RGS14: variants seen among roughly 807,000 people sequenced by gnomAD.
The protein encoded by RGS14 is regulator of G protein signaling 14.
A neutral mutation model predicts 63.8 loss-of-function variants in RGS14; 33 were observed. That is an observed-to-expected ratio of 0.52 (90% confidence interval 0.39 to 0.69). The LOEUF (loss-of-function observed/expected upper bound fraction) is 0.69. Among genes scored for constraint, RGS14 ranks in the 30% least tolerant of loss-of-function variants. The pLI, the probability that RGS14 is intolerant of heterozygous loss-of-function variation, is 0.00. For synonymous variants in RGS14, 296 were observed against 320.9 expected, an observed-to-expected ratio of 0.92 and a Z score of 0.83; for missense variants, 739 against 742.9, an observed-to-expected ratio of 0.99 and a Z score of 0.06.
Position 177,358,171 on chromosome 5 carries a change from T to C in RGS14, c.45+102T>C, listed in dbSNP as rs936440396. ...CAGGGCCAGGCAAGAGCCCACGGGCTGCCAGCAGGCGAGAGAAGTTGGGTA... is the reference window on the plus strand; with the variant it reads ...CAGGGCCAGGCAAGAGCCCACGGGCCGCCAGCAGGCGAGAGAAGTTGGGTA... On this transcript the variant is annotated intron_variant, in intron 1 of 14. Coordinates refer to ENST00000408923, the MANE Select transcript of RGS14 (RefSeq NM_006480.5). This position sits in a 1 kb window ranked among gnomAD's most constrained non-coding sequence, Gnocchi z 4.8. The C allele has an allele frequency of 4.0e-6, 4 of 1,012,326 alleles. No individual in the cohort carries two copies. The African/African-American group carries it at 6.7e-5, about 17-fold the overall frequency. 62.7% of individuals were successfully genotyped at this position (1,012,326 alleles called of 1,614,324 possible).
chr5:177,365,897 G>A, intron 1 of RGS14, 66 bp from the exon 2 acceptor site: 1 of 1,536,752 alleles, frequency 6.5e-7, no homozygotes, highest in Non-Finnish European at 9.0e-7. Context: ...TGGGAGTCGG[G>A]CCCAGAACTG....
rs1253065970 is a variant in RGS14, at chr5:177,371,110, C to A, written c.1255-55C>A. ...CCGGGGCCGGGGCCGGGGCCGGGGC[C>A]GGGGCCGGGGCCGGGCGGAGGCCTG... On this transcript the variant is annotated intron_variant, in intron 11 of 14. Transcript: ENST00000408923. The surrounding 1 kb of genome is among the most constrained non-coding windows in gnomAD (Gnocchi z 6.1). 1.7e-6 allele frequency: 2 copies of A among 1,192,534 alleles called. No homozygotes were observed. The highest frequency in any genetic ancestry group is 1.6e-5 in the South Asian group (1 of 63,902). 73.9% of individuals were successfully genotyped at this position (1,192,534 alleles called of 1,614,324 possible).
In RGS14 at chr5:177,371,023, C is replaced by T. The variant is rs765349778; in HGVS notation, c.1246C>T (p.Leu416=). The change falls in exon 11 of 15, where the codon CTG becomes TTG. Residue 416 remains leucine, a synonymous_variant. Coordinates refer to ENST00000408923, the MANE Select transcript of RGS14 (RefSeq NM_006480.5). This position sits in a 1 kb window ranked among gnomAD's most constrained non-coding sequence, Gnocchi z 6.1. ...KHGLSPLEVV[L]HRPGEKQPLD... is the part of the protein sequence containing the mutation. Reference sequence around the variant, plus strand: ...CGGCTTGAGCCCGCTAGAGGTGGTGCTGCACCGGGTGAGCTTCCGGGCCGC... The same window carrying T: ...CGGCTTGAGCCCGCTAGAGGTGGTGTTGCACCGGGTGAGCTTCCGGGCCGC... The T allele has an allele frequency of 1.9e-6, 3 of 1,559,758 alleles. No homozygotes were observed. The South Asian group carries it at 3.4e-5, about 18-fold the overall frequency.
In RGS14 at chr5:177,358,573, G is replaced by C. The variant is rs1323834351; in HGVS notation, c.45+504G>C. 1.3e-5 allele frequency among the ~76,000 whole-genome samples: 2 copies of C among 152,322 alleles called. No homozygotes were observed. Among genetic ancestry groups the C allele is most frequent in the East Asian group, 3.9e-4 (2 of 5,190 alleles). ...GAACTAGCATTGTTTGGGCAGCCCG[G>C]GATGGGGCAGCAGGGTCAGACTAGG... On this transcript the variant is annotated intron_variant, in intron 1 of 14. Coordinates refer to ENST00000408923, the MANE Select transcript of RGS14 (RefSeq NM_006480.5). The surrounding 1 kb of genome is among the most constrained non-coding windows in gnomAD (Gnocchi z 4.8).
At chr5:177,368,297 T>G (rs1234602923) in intron 8 of RGS14, 31 bp downstream of exon 8, 2 of 1,592,770 alleles carry the variant, frequency 1.3e-6, no homozygotes, top group South Asian at 2.3e-5. Flanking sequence ...GACAAGATGC[T>G]CTATGGGCTA....
chr5:177,361,623 T>TG (rs2127326228), intron 1 of RGS14, among the ~76,000 whole-genome samples: 1 of 152,110 alleles, frequency 6.6e-6, no homozygotes, highest in African/African-American at 2.4e-5. Flanking sequence ...ATCTGTAAAA[T>TG]GGGGGTAATA....
rs1477360491 is a variant in RGS14, at chr5:177,366,713, C to T, written c.252C>T (p.Phe84=). 1 of 1,614,110 alleles carries T rather than the reference C, an allele frequency of 6.2e-7. No homozygotes were observed. Among genetic ancestry groups the T allele is most frequent in the East Asian group, 2.2e-5 (1 of 44,882 alleles). The change falls in exon 4 of 15, where the codon TTC becomes TTT. Residue 84 remains phenylalanine, a synonymous_variant. Coordinates refer to ENST00000408923, the MANE Select transcript of RGS14 (RefSeq NM_006480.5). ...DPLGLAYFTE[F]LKKEFSAENV... ...CCCCCTCCTTCCCCTCCCAGGAGTTCCTGAAGAAGGAGTTCAGCGCGGAAA... is the reference window on the plus strand; with the variant it reads ...CCCCCTCCTTCCCCTCCCAGGAGTTTCTGAAGAAGGAGTTCAGCGCGGAAA...
intron 6 of RGS14, 54 bp from the exon 7 acceptor site, chr5:177,367,660 T>C: frequency 6.3e-7 from 1 of 1,593,200 alleles, no homozygotes; most frequent in Non-Finnish European, 8.5e-7. Context: ...GTGCCCACGG[T>C]CTGCATGCGG....
Position 177,370,973 on chromosome 5 carries a change from C to G in RGS14, c.1196C>G (p.Ala399Gly). The G allele has an allele frequency of 6.2e-7, 1 of 1,607,198 alleles. No homozygotes were observed. Among genetic ancestry groups the G allele is most frequent in the Non-Finnish European group, 8.5e-7 (1 of 1,179,454 alleles). ...SAKPTKRLQEALQPILEKHGL... is the reference protein window; with the variant it reads ...SAKPTKRLQEGLQPILEKHGL... ...AAGCCCACCAAGCGGCTGCAGGAGG[C>G]GCTGCAGCCCATTCTGGAGAAGCAC... The change falls in exon 11 of 15, where the codon GCG (alanine) becomes GGG (glycine). Residue 399 changes from alanine to glycine, a missense_variant. Ala to Gly is a moderately conservative substitution (Grantham distance 60, BLOSUM62 0). Coordinates refer to ENST00000408923, the MANE Select transcript of RGS14 (RefSeq NM_006480.5).
Position 177,371,573 on chromosome 5 carries a change from G to A in RGS14, c.1482G>A (p.Gln494=). The A allele has an allele frequency of 6.2e-7, 1 of 1,613,898 alleles. No individual in the cohort carries two copies. The highest frequency in any genetic ancestry group is 8.5e-7 in the Non-Finnish European group (1 of 1,179,754). Residue 494 remains glutamine, a synonymous_variant, in exon 14 of 15, where the codon CAG becomes CAA. Transcript: ENST00000408923. This position sits in a 1 kb window ranked among gnomAD's most constrained non-coding sequence, Gnocchi z 6.1. ...KVPSSATGKR[Q]TCDIEGLVEL... is the part of the protein sequence containing the mutation. Reference sequence around the variant, plus strand: ...CCAGTAGTGCCACTGGAAAGCGGCAGACCTGTGACATCGAAGGTACATGGT... The same window carrying A: ...CCAGTAGTGCCACTGGAAAGCGGCAAACCTGTGACATCGAAGGTACATGGT...
rs745460919 is a variant in RGS14, at chr5:177,372,000, G to A, written c.1626G>A (p.Glu542=). The change falls in exon 15 of 15, where the codon GAG becomes GAA. Residue 542 remains glutamate, a synonymous_variant. Transcript: ENST00000408923. The surrounding 1 kb of genome is among the most constrained non-coding windows in gnomAD (Gnocchi z 6.1). ...CCGCCCAAGGGCCCAGCTCCGAGGA[G>A]ACCCCACCACAGACCAAATCAGCAG... ...QLPAQGPSSE[E]TPPQTKSAAQ... 2 of 1,614,026 alleles carry A rather than the reference G, an allele frequency of 1.2e-6. No individual in the cohort carries two copies. Among genetic ancestry groups the A allele is most frequent in the African/African-American group, 2.7e-5 (2 of 74,928 alleles).
chr5:177,368,590 G>A (rs1762164927), intron 8 of RGS14, 127 bp from the exon 9 acceptor site: 5 of 924,170 alleles, frequency 5.4e-6, no homozygotes, highest in African/African-American at 1.6e-5. Flanking sequence ...GCAGGAGGAC[G>A]TATCTTTGCC....
At chr5:177,362,786 G>C (rs1226409183) in intron 1 of RGS14, among the ~76,000 whole-genome samples, 1 of 152,090 alleles carries the variant, frequency 6.6e-6, no homozygotes, top group East Asian at 1.9e-4. Context: ...AAGGGCCCGG[G>C]TTGGCACCGT....
Position 177,358,137 on chromosome 5 carries a change from C to A in RGS14, c.45+68C>A. 1 of 1,231,094 alleles carries A rather than the reference C, an allele frequency of 8.1e-7. No individual in the cohort carries two copies. The highest frequency in any genetic ancestry group is 1.0e-6 in the Non-Finnish European group (1 of 963,694). 76.3% of individuals were successfully genotyped at this position (1,231,094 alleles called of 1,614,324 possible). ...CACACCCAGGGTGGAGCCCAGGAGGCACACCCGGCAGGGCCAGGCAAGAGC... is the reference window on the plus strand; with the variant it reads ...CACACCCAGGGTGGAGCCCAGGAGGAACACCCGGCAGGGCCAGGCAAGAGC... On this transcript the variant is annotated intron_variant, in intron 1 of 14. Coordinates refer to ENST00000408923, the MANE Select transcript of RGS14 (RefSeq NM_006480.5). The surrounding 1 kb of genome is among the most constrained non-coding windows in gnomAD (Gnocchi z 4.8).
At chr5:177,360,195 G>A (rs1288904195) in intron 1 of RGS14, among the ~76,000 whole-genome samples, 1 of 151,988 alleles carries the variant, frequency 6.6e-6, no homozygotes, top group African/African-American at 2.4e-5. Flanking sequence ...TGCCTGCTTG[G>A]TGCTGCCACT....
chr5:177,362,939 G>A (rs1276853093), intron 1 of RGS14, among the ~76,000 whole-genome samples: 1 of 152,182 alleles, frequency 6.6e-6, no homozygotes, highest in East Asian at 1.9e-4. Context: ...TATCACCCCT[G>A]ACTCGGGGTT....
chr5:177,368,846 A>C lies in RGS14; in HGVS notation c.979A>C (p.Met327Leu), dbSNP rs746132172. The change falls in exon 9 of 15, where the codon ATG becomes CTG. Residue 327 changes from methionine to leucine, a missense_variant. Coordinates refer to ENST00000408923, the MANE Select transcript of RGS14 (RefSeq NM_006480.5). Reference protein sequence around the residue: ...LARPGLTIRDMLAGICEKRGL... With the variant: ...LARPGLTIRDLLAGICEKRGL... ...CAGACCTGGCCTCACCATCCGAGAC[A>C]TGCTGGCAGGGATCTGTGAGAAACG... 6.2e-7 allele frequency: 1 copy of C among 1,614,242 alleles called. No individual in the cohort carries two copies. Among genetic ancestry groups the C allele is most frequent in the Admixed American group, 1.7e-5 (1 of 60,030 alleles).
rs766162868 is a variant in RGS14, at chr5:177,367,017, C to G, written c.466C>G (p.Arg156Gly). Residue 156 changes from arginine to glycine, a missense_variant, in exon 5 of 15, where the codon CGG becomes GGG. By Grantham distance (125) the Arg-to-Gly change is moderately radical. Coordinates refer to ENST00000408923, the MANE Select transcript of RGS14 (RefSeq NM_006480.5). Reference sequence around the variant, plus strand: ...GGCCGAGCCCCGGCCGGACATGTTTCGGGCACAGCAGCTTCAGGTGGGCGA... The same window carrying G: ...GGCCGAGCCCCGGCCGGACATGTTTGGGGCACAGCAGCTTCAGGTGGGCGA... ...VLAEPRPDMF[R>G]AQQLQIFNLM... The G allele has an allele frequency of 6.2e-7, 1 of 1,610,746 alleles. No individual in the cohort carries two copies. Among genetic ancestry groups the G allele is most frequent in the African/African-American group, 1.3e-5 (1 of 74,858 alleles).
At position 177,371,568 on chromosome 5, in the gene RGS14, C is replaced by T. The variant is rs1762272379; in HGVS notation, c.1477C>T (p.Arg493Trp). Residue 493 changes from arginine to tryptophan, a missense_variant, in exon 14 of 15, where the codon CGG becomes TGG. Physicochemically the swap from Arg to Trp is moderately radical, Grantham distance 101. Transcript: ENST00000408923. The surrounding 1 kb of genome is among the most constrained non-coding windows in gnomAD (Gnocchi z 6.1). ...VKVPSSATGK[R>W]QTCDIEGLVE... ...GGTGCCCAGTAGTGCCACTGGAAAG[C>T]GGCAGACCTGTGACATCGAAGGTAC... 8 of 1,613,894 alleles carry T rather than the reference C, an allele frequency of 5.0e-6. No homozygotes were observed. Among genetic ancestry groups the T allele is most frequent in the Non-Finnish European group, 5.9e-6 (7 of 1,179,830 alleles).
Sources: allele counts gnomAD v4.1 joint callset (sites outside exome capture counted in the v4.1 genomes callset), GRCh38; gene constraint gnomAD v4.1.1; non-coding constraint Gnocchi (gnomAD v3.1); transcripts MANE v1.5; gene names NCBI Gene and HGNC (gene_info 2026-07-23, HGNC 2026-07-21).